Variants in NUP214 observed in about 807,000 individuals in gnomAD.
NUP214 encodes the protein nuclear pore complex protein Nup214.
A neutral mutation model predicts 196.2 loss-of-function variants in NUP214; 79 were observed. The observed-to-expected ratio is 0.40, with a 90% CI of 0.34 to 0.49. The LOEUF is 0.49. Ranked by LOEUF, NUP214 falls within the 20% of genes least tolerant of loss-of-function variation. The pLI, the probability that NUP214 is intolerant of heterozygous loss-of-function variation, is 0.58. For synonymous variants in NUP214, 1,020 were observed against 990.5 expected (o/e 1.03, Z -0.56); for missense variants, 2,468 against 2,539.0 (o/e 0.97, Z 0.60).
chr9:131,174,607 C>T (rs1833061995), intron 22 of NUP214, among the ~76,000 whole-genome samples: 2 of 151,814 alleles, frequency 1.3e-5, no homozygotes, highest in Non-Finnish European at 2.9e-5. Flanking sequence ...CACCACCACG[C>T]CTGGCTAATT....
Position 131,178,565 on chromosome 9 carries a change from A to G in NUP214, c.3419+155A>G, listed in dbSNP as rs184327909. Among the ~76,000 whole-genome samples, 82 of 152,206 alleles carry G rather than the reference A, an allele frequency of 5.4e-4. 1 individual carries two copies. In the East Asian group the frequency reaches 9.9e-3, roughly 18 times the overall value. The stretch of plus-strand genomic sequence containing the variant: ...GCGGCTAAGCCTGCCTACACAATGC[A>G]TTTTCAGGAGACTGTCCTTTTTAAC... On this transcript the variant is annotated intron_variant, in intron 24 of 35. Transcript: ENST00000359428.
chr9:131,156,263 G>C (rs1455049646), intron 17 of NUP214, among the ~76,000 whole-genome samples: 1 of 151,434 alleles, frequency 6.6e-6, no homozygotes, highest in African/African-American at 2.4e-5. Flanking sequence ...CTCCTGAGTA[G>C]CTGGAACTAC....
chr9:131,129,150 T>G, intron 3 of NUP214, 129 bp from the exon 4 acceptor site: 2 of 788,574 alleles, frequency 2.5e-6, no homozygotes, highest in Non-Finnish European at 2.0e-6. Context: ...ACAATCTTTT[T>G]TTATGGTTAT....
At position 131,176,884 on chromosome 9, in the gene NUP214, CT is replaced by C. The variant is rs569176142; in HGVS notation, c.3319+1264del. Among the ~76,000 whole-genome samples the C allele has an allele frequency of 4.2e-3, 646 of 152,230 alleles. 5 individuals carry two copies. Among genetic ancestry groups the C allele is most frequent in the African/African-American group, 0.015 (619 of 41,514 alleles). ...GCCCCCACTTCCCTGTCCTCCACCCCTGAAACAGTTGGCAGTGTTGCTGGCA... is the reference window on the plus strand; with the variant it reads ...GCCCCCACTTCCCTGTCCTCCACCCCGAAACAGTTGGCAGTGTTGCTGGCA... On this transcript the variant is annotated intron_variant, in intron 23 of 35. Transcript: ENST00000359428.
In NUP214 at chr9:131,195,301, ACT is replaced by A; in HGVS notation, c.3721+10_3721+11del. The A allele has an allele frequency of 6.2e-7, 1 of 1,610,296 alleles. No individual in the cohort carries two copies. On this transcript the variant is annotated splice_region_variant and intron_variant, in intron 28 of 35. Transcript: ENST00000359428. ...AATTTCACTGCTGCACAAGGTACAG[ACT>A]CTGTGTTGAGTAGCATTACTCATGT... is the stretch of plus-strand genomic sequence containing the variant.
intron 30 of NUP214, among the ~76,000 whole-genome samples, chr9:131,209,530 A>G (rs922901176): frequency 6.6e-6 from 1 of 151,868 alleles, no homozygotes; most frequent in African/African-American, 2.4e-5. Flanking sequence ...AGTAGCTGGG[A>G]CTACAGGTGT....
chr9:131,218,263 T>C (rs1164972723), intron 31 of NUP214, among the ~76,000 whole-genome samples: 2 of 152,158 alleles, frequency 1.3e-5, no homozygotes, highest in Admixed American at 6.5e-5. Context: ...TATGATTCAA[T>C]AGTGAAAGGG....
rs945574115 is a variant in NUP214 at position 131,215,384 on chromosome 9, T to G, written c.5749+16T>G. The G allele has an allele frequency of 6.4e-7, 1 of 1,565,622 alleles. No homozygotes were observed. The highest frequency in any genetic ancestry group is 8.6e-7 in the Non-Finnish European group (1 of 1,156,858). ...GCTACCTCAAGTAAGTTGAGAAGACTTTTCCCAGTCCCTTGGTCCCCTAAT... is the reference window on the plus strand; with the variant it reads ...GCTACCTCAAGTAAGTTGAGAAGACGTTTCCCAGTCCCTTGGTCCCCTAAT... On this transcript the variant is annotated intron_variant, in intron 31 of 35. Coordinates refer to ENST00000359428, the MANE Select transcript of NUP214 (RefSeq NM_005085.4).
chr9:131,234,072 C>T lies in NUP214; in HGVS notation c.*585C>T, dbSNP rs1034786461. 5.5e-5 allele frequency: 14 copies of T among 253,812 alleles called. No homozygotes were observed. The South Asian group carries it at 1.1e-3, about 20-fold the overall frequency. The allele number at this position is 253,812 out of a possible 1,614,324, so 15.7% of individuals were successfully genotyped here. On this transcript the variant is annotated 3_prime_UTR_variant, in exon 36 of 36. Transcript: ENST00000359428. ...AGTTGAGTTTCAGAAGCAGCCATAG[C>T]GCTTTTCAGTACAGTACAATAGTAG...
rs1833031697 is a variant in NUP214 at position 131,174,090 on chromosome 9, TA to T, written c.2930del (p.Tyr977PhefsTer72). 3.7e-6 allele frequency: 6 copies of T among 1,613,534 alleles called. No homozygotes were observed. Among genetic ancestry groups the T allele is most frequent in the Non-Finnish European group, 5.1e-6 (6 of 1,179,836 alleles). ...TCGATCAGCCTTTCTGTCTCAGAGA[TA>T]TTATGAAGACTTGGATGAAGTCAGC... ...LSRSAFLSQR[Y>X]YEDLDEVSST... On this transcript the variant is annotated frameshift_variant, in exon 22 of 36. Coordinates refer to ENST00000359428, the MANE Select transcript of NUP214 (RefSeq NM_005085.4). LOFTEE classifies it high-confidence loss of function.
intron 11 of NUP214, chr9:131,141,723 T>G (rs1831921869): frequency 6.6e-6 from 1 of 152,184 alleles, no homozygotes. Flanking sequence ...ATGTGATTCT[T>G]CTGCTTCAGC....
intron 24 of NUP214, among the ~76,000 whole-genome samples, chr9:131,179,907 G>T (rs989936657): frequency 6.6e-6 from 1 of 152,214 alleles, no homozygotes; most frequent in African/African-American, 2.4e-5. Context: ...GGGAATTGTA[G>T]CCAGATTCCC....
chr9:131,133,051 C>G, intron 6 of NUP214, 55 bp from the exon 7 acceptor site: 1 of 1,340,742 alleles, frequency 7.5e-7, no homozygotes, highest in Non-Finnish European at 1.1e-6. Flanking sequence ...GCTGCTTTTT[C>G]TTGTATCTGG....
At chr9:131,170,620 G>A (rs1437522124) in intron 21 of NUP214, among the ~76,000 whole-genome samples, 1 of 151,990 alleles carries the variant, frequency 6.6e-6, no homozygotes, top group Non-Finnish European at 1.5e-5. Flanking sequence ...TATGTTGGAT[G>A]TAGTATCGAG....
intron 30 of NUP214, among the ~76,000 whole-genome samples, chr9:131,207,879 CTG>C (rs891066254): frequency 3.3e-5 from 5 of 152,220 alleles, no homozygotes; most frequent in African/African-American, 1.2e-4. Flanking sequence ...TTGCCAAAGA[CTG>C]AGAAAATGTA....
intron 27 of NUP214, 53 bp from the exon 28 acceptor site, chr9:131,195,180 C>A: frequency 1.6e-6 from 2 of 1,222,818 alleles, no homozygotes; most frequent in Non-Finnish European, 2.4e-6. Flanking sequence ...ATTAAGAGGG[C>A]AATATTGTGC....
At chr9:131,223,723 A>ATTTTTTTTTTTTTTTTTT (rs1222974193) in intron 32 of NUP214, among the ~76,000 whole-genome samples, 7 of 18,966 alleles carry the variant, frequency 3.7e-4, no homozygotes, top group African/African-American at 3.9e-4. Flanking sequence ...TTATTTATTT[A>ATTTTTTTTTTTTTTTTTT]TTTATTTTTT....
rs202135305 is a variant in NUP214, at chr9:131,125,660, C to T, written c.-45C>T. 1.4e-5 allele frequency: 22 copies of T among 1,545,272 alleles called. No individual in the cohort carries two copies. The African/African-American group carries it at 1.9e-4, about 14-fold the overall frequency. On this transcript the variant is annotated 5_prime_UTR_variant, in exon 1 of 36. Coordinates refer to ENST00000359428, the MANE Select transcript of NUP214 (RefSeq NM_005085.4). This position sits in a 1 kb window ranked among gnomAD's most constrained non-coding sequence, Gnocchi z 4.1. ...GCGGCCTGGGTTCCGTGGGCAAGGCCGTGGGAGGCAGCGTTGGCTGCTTCG... is the reference window on the plus strand; with the variant it reads ...GCGGCCTGGGTTCCGTGGGCAAGGCTGTGGGAGGCAGCGTTGGCTGCTTCG...
At chr9:131,212,627 T>A (rs1275512575) in intron 30 of NUP214, among the ~76,000 whole-genome samples, 2 of 152,230 alleles carry the variant, frequency 1.3e-5, no homozygotes, top group African/African-American at 4.8e-5. Flanking sequence ...TTACTTCCTC[T>A]GCAGTGGTGG....
Sources: gnomAD v4.1 joint callset for allele counts (sites outside exome capture counted in the v4.1 genomes callset) on GRCh38, gnomAD v4.1.1 for gene constraint, Gnocchi (gnomAD v3.1) non-coding constraint, MANE v1.5 for transcripts, NCBI Gene and HGNC (gene_info 2026-07-23, HGNC 2026-07-21) for gene names.